The following STX8 variants were observed in gnomAD, a reference collection of about 807,000 sequenced individuals.
STX8 encodes syntaxin-8.
Under a neutral mutation model 37.5 loss-of-function variants are expected in STX8, and 23 were observed. The observed-to-expected ratio is 0.61, with a 90% CI of 0.44 to 0.87. The LOEUF is 0.87. Ranked by LOEUF, STX8 falls within the 40% of genes least tolerant of loss-of-function variation. STX8 has a pLI of 0.00. For synonymous variants in STX8, 115 were observed against 99.1 expected (o/e 1.16, Z -0.95); for missense variants, 313 against 284.7 (o/e 1.10, Z -0.71).
At chr17:9,512,202 A>G (rs1905036649) in intron 4 of STX8, among the ~76,000 whole-genome samples, 1 of 152,198 alleles carries the variant, frequency 6.6e-6, no homozygotes. Context: ...ATCTCTATCA[A>G]AATACCAATA....
intron 6 of STX8, among the ~76,000 whole-genome samples, chr17:9,408,681 T>C (rs937070690): frequency 3.9e-5 from 6 of 152,300 alleles, no homozygotes; most frequent in African/African-American, 1.4e-4. Flanking sequence ...GACTAAGGAA[T>C]GACAGGTTAA....
chr17:9,494,334 T>C (rs1906998965), intron 5 of STX8, among the ~76,000 whole-genome samples: 1 of 147,362 alleles, frequency 6.8e-6, no homozygotes, highest in Admixed American at 6.7e-5. Flanking sequence ...TGTTCTTAAG[T>C]AAAAAAGCAG....
chr17:9,259,904 A>G (rs772113928), intron 7 of STX8, among the ~76,000 whole-genome samples: 1 of 152,094 alleles, frequency 6.6e-6, no homozygotes, highest in Non-Finnish European at 1.5e-5. Flanking sequence ...AATAACAATA[A>G]TAATAATGAC....
chr17:9,303,971 A>T (rs1422096123), intron 7 of STX8, among the ~76,000 whole-genome samples: 1 of 151,850 alleles, frequency 6.6e-6, no homozygotes, highest in Non-Finnish European at 1.5e-5. Flanking sequence ...ACTTTTCATG[A>T]CAAAAAAAAA....
chr17:9,295,723 C>A (rs1300535697), intron 7 of STX8, among the ~76,000 whole-genome samples: 2 of 151,618 alleles, frequency 1.3e-5, no homozygotes, highest in Non-Finnish European at 2.9e-5. Context: ...AGCGTGACGA[C>A]AGAATGAGAT....
At chr17:9,545,115 G>A (rs1278452171) in intron 4 of STX8, 57 bp downstream of exon 4, 3 of 1,104,828 alleles carry the variant, frequency 2.7e-6, no homozygotes, top group East Asian at 2.4e-5. Flanking sequence ...AACAGCTGTA[G>A]TATCTGCAAA....
intron 6 of STX8, among the ~76,000 whole-genome samples, chr17:9,387,379 T>G (rs1187573341): frequency 1.3e-5 from 2 of 152,078 alleles, no homozygotes; most frequent in Admixed American, 1.3e-4. Flanking sequence ...CACTGCAAGC[T>G]CCGCCTCCCG....
Position 9,250,614 on chromosome 17 carries a change from C to A in STX8, c.675G>T (p.Val225=). ...GCCAGACTGCAACAACCACGATAGC[C>A]ACAAGCAGCAGTAAAATCACCATGA... ...GMIMVILLLL[V]AIVVVAVWPT... Residue 225 remains valine (V), a synonymous_variant, in exon 8 of 8, where the codon GTG becomes GTT. Coordinates refer to ENST00000306357, the MANE Select transcript of STX8 (RefSeq NM_004853.3). The A allele has an allele frequency of 6.2e-7, 1 of 1,600,750 alleles. No homozygotes were observed. Among genetic ancestry groups the A allele is most frequent in the South Asian group, 1.1e-5 (1 of 88,362 alleles).
At chr17:9,562,460 G>C (rs1183878847) in intron 2 of STX8, among the ~76,000 whole-genome samples, 1 of 151,164 alleles carries the variant, frequency 6.6e-6, no homozygotes, top group Non-Finnish European at 1.5e-5. Flanking sequence ...CAAGTCAAAT[G>C]TCAAATGATA....
rs566903891 is a variant in STX8, at chr17:9,532,238, A to C, written c.323+12934T>G. On this transcript the variant is annotated intron_variant, in intron 4 of 7. Coordinates refer to ENST00000306357, the MANE Select transcript of STX8 (RefSeq NM_004853.3). Reference sequence around the variant, plus strand: ...TAATCAGTCTTGTGAGAACATACATAACCTAAAAACTTCGAATAGCTACTC... The same window carrying C: ...TAATCAGTCTTGTGAGAACATACATCACCTAAAAACTTCGAATAGCTACTC... Among the ~76,000 whole-genome samples, 277 of 152,280 alleles carry C rather than the reference A, an allele frequency of 1.8e-3. 1 individual carries two copies. Among genetic ancestry groups the C allele is most frequent in the Non-Finnish European group, 1.3e-4 (9 of 68,024 alleles).
chr17:9,304,147 GAA>G (rs35423875), intron 7 of STX8, among the ~76,000 whole-genome samples: 1 of 150,578 alleles, frequency 6.6e-6, no homozygotes, highest in African/African-American at 2.4e-5. Context: ...AGACTGTTAA[GAA>G]AAAAAAAGGA....
chr17:9,301,244 T>C (rs1421584777), intron 7 of STX8, among the ~76,000 whole-genome samples: 1 of 152,150 alleles, frequency 6.6e-6, no homozygotes, highest in African/African-American at 2.4e-5. Flanking sequence ...GTGTGTCCTT[T>C]AATTCCTAGT....
intron 7 of STX8, among the ~76,000 whole-genome samples, chr17:9,304,234 G>T (rs1908879666): frequency 6.6e-6 from 1 of 152,022 alleles, no homozygotes; most frequent in Non-Finnish European, 1.5e-5. Context: ...GAGTAGCCGG[G>T]TGCTGTGGCT....
chr17:9,481,973 T>C (rs1906368710), intron 6 of STX8, among the ~76,000 whole-genome samples: 1 of 152,116 alleles, frequency 6.6e-6, no homozygotes, highest in Non-Finnish European at 1.5e-5. Flanking sequence ...GCCAAAAAGG[T>C]TGGGGACCGC....
chr17:9,466,494 C>A (rs1459005802), intron 6 of STX8, among the ~76,000 whole-genome samples: 1 of 152,044 alleles, frequency 6.6e-6, no homozygotes, highest in Non-Finnish European at 1.5e-5. Flanking sequence ...CTTGAGAAGG[C>A]CCAACATTTA....
chr17:9,403,899 G>A (rs1912714012), intron 6 of STX8, among the ~76,000 whole-genome samples: 1 of 152,018 alleles, frequency 6.6e-6, no homozygotes, highest in South Asian at 2.1e-4. Flanking sequence ...GCCCGCCTCG[G>A]CCTCCCAAAG....
intron 7 of STX8, among the ~76,000 whole-genome samples, chr17:9,336,642 G>A (rs1464697132): frequency 6.6e-6 from 1 of 152,084 alleles, no homozygotes; most frequent in East Asian, 1.9e-4. Flanking sequence ...CACCATATTG[G>A]CCAGGCTGGT....
intron 6 of STX8, among the ~76,000 whole-genome samples, chr17:9,396,422 G>A (rs558543293): frequency 2.0e-5 from 3 of 152,170 alleles, no homozygotes; most frequent in South Asian, 2.1e-4. Flanking sequence ...AGTGGCTCAC[G>A]CCTGTAATCC....
intron 6 of STX8, among the ~76,000 whole-genome samples, chr17:9,482,166 C>T (rs1005725446): frequency 6.6e-6 from 1 of 152,070 alleles, no homozygotes; most frequent in African/African-American, 2.4e-5. Flanking sequence ...CTGAGCAACA[C>T]AGCAAGACCC....
Sources: allele counts gnomAD v4.1 joint callset (sites outside exome capture counted in the v4.1 genomes callset), GRCh38; gene constraint gnomAD v4.1.1; transcripts MANE v1.5; gene names NCBI Gene and HGNC (gene_info 2026-07-23, HGNC 2026-07-21).